WAPL: variants seen among roughly 807,000 people sequenced by gnomAD.
WAPL encodes the protein WAPL cohesin release factor, also known as wings apart-like protein homolog.
A neutral mutation model predicts 121.0 loss-of-function variants in WAPL; 5 were observed. The ratio of observed to expected loss-of-function variants is 0.04; its 90% CI spans 0.02 to 0.09. WAPL has a LOEUF of 0.09. Ranked by LOEUF, WAPL falls within the 10% of genes least tolerant of loss-of-function variation. The pLI is 1.00. For synonymous variants in WAPL, 480 were observed against 481.5 expected (o/e 1.00, Z 0.04); for missense variants, 999 against 1,410.8 (o/e 0.71, Z 4.68).
chr10:86,488,076 G>A (rs1004801087), intron 4 of WAPL, among the ~76,000 whole-genome samples: 2 of 151,934 alleles, frequency 1.3e-5, no homozygotes, highest in African/African-American at 4.8e-5. Flanking sequence ...CACATGTGGA[G>A]GATAATGGAA....
At chr10:86,488,079 T>C (rs755387804) in intron 4 of WAPL, among the ~76,000 whole-genome samples, 12 of 152,036 alleles carry the variant, frequency 7.9e-5, no homozygotes, top group Non-Finnish European at 1.5e-4. Flanking sequence ...ATGTGGAGGA[T>C]AATGGAAACC....
At chr10:86,505,805 T>C (rs1842338884) in intron 2 of WAPL, among the ~76,000 whole-genome samples, 1 of 152,140 alleles carries the variant, frequency 6.6e-6, no homozygotes, top group Admixed American at 6.5e-5. Context: ...AGGAACACTA[T>C]ATTCTGGCTA....
intron 2 of WAPL, among the ~76,000 whole-genome samples, chr10:86,513,998 C>T (rs781577037): frequency 1.3e-5 from 2 of 152,126 alleles, no homozygotes; most frequent in Non-Finnish European, 2.9e-5. Context: ...GAAAAGAGTT[C>T]AAAACTTTAT....
rs150745278 is a variant in WAPL at position 86,474,737 on chromosome 10, A to T, written c.1645-764T>A. Among the ~76,000 whole-genome samples, 271 of 152,314 alleles carry T rather than the reference A, an allele frequency of 1.8e-3. 1 individual carries two copies. Among genetic ancestry groups the T allele is most frequent in the African/African-American group, 6.3e-3 (264 of 41,580 alleles). On this transcript the variant is annotated intron_variant, in intron 4 of 18. Coordinates refer to ENST00000298767, the MANE Select transcript of WAPL (RefSeq NM_015045.5). ...GCAAGACTCCGTCTCAAAAAAATTT[A>T]AAAAATAGTAATGATGATAATAATA...
At chr10:86,440,588 T>G (rs920393990) in intron 17 of WAPL, among the ~76,000 whole-genome samples, 1 of 152,168 alleles carries the variant, frequency 6.6e-6, no homozygotes, top group African/African-American at 2.4e-5. Flanking sequence ...CGTGAGCCAC[T>G]GCGCCCGGCC....
At chr10:86,480,921 G>T (rs1016715516) in intron 4 of WAPL, among the ~76,000 whole-genome samples, 1 of 152,182 alleles carries the variant, frequency 6.6e-6, no homozygotes, top group African/African-American at 2.4e-5. Flanking sequence ...CCCCTACACT[G>T]CAGCAATTTG....
chr10:86,461,107 T>G, intron 10 of WAPL, 69 bp downstream of exon 10: 1 of 1,130,238 alleles, frequency 8.8e-7, no homozygotes, highest in Non-Finnish European at 1.3e-6. Flanking sequence ...TTTTTTGAAG[T>G]ACGTCAATGG....
chr10:86,505,644 T>C (rs1842335744), intron 2 of WAPL, among the ~76,000 whole-genome samples: 1 of 152,100 alleles, frequency 6.6e-6, no homozygotes, highest in South Asian at 2.1e-4. Context: ...CAGCCTCGGC[T>C]CTTAAAAATT....
At chr10:86,495,618 A>G (rs548023024) in intron 4 of WAPL, among the ~76,000 whole-genome samples, 1 of 152,354 alleles carries the variant, frequency 6.6e-6, no homozygotes, top group South Asian at 2.1e-4. Context: ...TGGATCTGGC[A>G]ACAATTTATT....
rs1481615068 is a variant in WAPL, at chr10:86,464,489, A to C, written c.2370+2790T>G. 1.7e-4 allele frequency among the ~76,000 whole-genome samples: 26 copies of C among 152,212 alleles called. 1 individual carries two copies. The highest frequency in any genetic ancestry group is 1.0e-4 in the Non-Finnish European group (7 of 68,026). On this transcript the variant is annotated intron_variant, in intron 9 of 18. Transcript: ENST00000298767. The stretch of plus-strand genomic sequence containing the variant: ...AAATAAAAACTATAGGCTCAAATTT[A>C]TTCTTTTATAGCATGAAAAAAATCA...
At chr10:86,464,886 C>T (rs1209721971) in intron 9 of WAPL, among the ~76,000 whole-genome samples, 4 of 152,150 alleles carry the variant, frequency 2.6e-5, no homozygotes, top group Admixed American at 6.5e-5. Flanking sequence ...AGCATACAGA[C>T]GATGTGATGA....
At position 86,463,767 on chromosome 10, in the gene WAPL, A is replaced by G. The variant is rs113116399; in HGVS notation, c.2371-2480T>C. 1.6e-3 allele frequency among the ~76,000 whole-genome samples: 240 copies of G among 152,348 alleles called. 1 individual carries two copies. Among genetic ancestry groups the G allele is most frequent in the African/African-American group, 5.5e-3 (228 of 41,578 alleles). Reference sequence around the variant, plus strand: ...CAAGCTCTACTCATGGTAAGTGTCCATATGGGTGTATCTTTTTAAATCTTT... The same window carrying G: ...CAAGCTCTACTCATGGTAAGTGTCCGTATGGGTGTATCTTTTTAAATCTTT... On this transcript the variant is annotated intron_variant, in intron 9 of 18. Coordinates refer to ENST00000298767, the MANE Select transcript of WAPL (RefSeq NM_015045.5).
rs780007368 is a variant in WAPL, at chr10:86,437,926, A to G, written c.3501T>C (p.Asn1167=). 3.1e-6 allele frequency: 5 copies of G among 1,607,524 alleles called. No individual in the cohort carries two copies. The highest frequency in any genetic ancestry group is 4.3e-6 in the Non-Finnish European group (5 of 1,174,278). ...TGTAATAAAAGCTACTTACAGTGAG[A>G]TTCATAAAACTCAAAAATTTTTTGA... ...EMLKKFLSFM[N]LTCAVGTTGQ... is the part of the protein sequence containing the mutation. Residue 1167 remains asparagine, a synonymous_variant, in exon 18 of 19, where the codon AAT becomes AAC. Transcript: ENST00000298767.
chr10:86,488,536 C>G (rs893564649), intron 4 of WAPL: 3 of 152,034 alleles, frequency 2.0e-5, no homozygotes, highest in African/African-American at 7.3e-5. Flanking sequence ...ATTCGTAGAG[C>G]GTTAAAATTA....
intron 2 of WAPL, among the ~76,000 whole-genome samples, chr10:86,513,016 A>G (rs540382030): frequency 6.6e-6 from 1 of 152,282 alleles, no homozygotes; most frequent in South Asian, 2.1e-4. Context: ...TCTGTCTGGA[A>G]AATGGGAACT....
At chr10:86,498,000 T>C (rs1842182050) in intron 3 of WAPL, among the ~76,000 whole-genome samples, 1 of 152,346 alleles carries the variant, frequency 6.6e-6, no homozygotes, top group Non-Finnish European at 1.5e-5. Context: ...AATTTTTTGC[T>C]GTTTCACTTA....
intron 2 of WAPL, among the ~76,000 whole-genome samples, chr10:86,512,703 A>G (rs1383402833): frequency 2.0e-5 from 3 of 152,246 alleles, no homozygotes. Context: ...GATTAGATAC[A>G]GAAGTATTTG....
At chr10:86,475,836 T>A (rs1185703151) in intron 4 of WAPL, among the ~76,000 whole-genome samples, 1 of 152,226 alleles carries the variant, frequency 6.6e-6, no homozygotes, top group Non-Finnish European at 1.5e-5. Flanking sequence ...AACAACAGCC[T>A]TTTGGCAAGA....
rs145142403 is a variant in WAPL at position 86,438,011 on chromosome 10, T to C, written c.3416A>G (p.Asn1139Ser). 9 of 1,612,370 alleles carry C rather than the reference T, an allele frequency of 5.6e-6. No homozygotes were observed. In the East Asian group the frequency reaches 6.7e-5, roughly 12 times the overall value. Residue 1139 changes from asparagine to serine, a missense_variant, in exon 18 of 19, where the codon AAT becomes AGT. Transcript: ENST00000298767. ...CAGATATTCCCGCACAGTGGTTACA[T>C]TGATCTGAGGAAACAGAGCAAGAAA... ...LGCLCQESPI[N>S]VTTVREYLPE...
Sources: allele counts gnomAD v4.1 joint callset (sites outside exome capture counted in the v4.1 genomes callset), GRCh38; gene constraint gnomAD v4.1.1; transcripts MANE v1.5; gene names NCBI Gene and HGNC (gene_info 2026-07-23, HGNC 2026-07-21).